The following MYOCD variants were observed in gnomAD, a reference collection of about 807,000 sequenced individuals.
MYOCD encodes the protein myocardin.
In MYOCD, 32 loss-of-function variants were observed where a neutral mutation model predicts 96.1. The ratio of observed to expected loss-of-function variants is 0.33; its 90% CI spans 0.25 to 0.45. MYOCD has a LOEUF of 0.45. Ranked by LOEUF, MYOCD falls within the 20% of genes least tolerant of loss-of-function variation. The pLI is 1.00. For synonymous variants in MYOCD, 469 were observed against 469.0 expected, an observed-to-expected ratio of 1.00 and a Z score of 0.00; for missense variants, 1,133 against 1,200.6, an observed-to-expected ratio of 0.94 and a Z score of 0.83.
intron 1 of MYOCD, among the ~76,000 whole-genome samples, chr17:12,674,711 AT>A (rs1313483364): frequency 6.6e-6 from 1 of 152,198 alleles, no homozygotes; most frequent in Non-Finnish European, 1.5e-5. Context: ...TTTATCTACA[AT>A]AAAATATGTA....
intron 9 of MYOCD, among the ~76,000 whole-genome samples, chr17:12,747,035 A>AT (rs5819385): frequency 2.7e-5 from 4 of 148,814 alleles, no homozygotes; most frequent in Admixed American, 6.7e-5. Flanking sequence ...GCCCCTACCA[A>AT]TTTTTTTTTT....
chr17:12,737,729 AG>A (rs2150705111), intron 6 of MYOCD, among the ~76,000 whole-genome samples: 1 of 152,322 alleles, frequency 6.6e-6, no homozygotes, highest in East Asian at 1.9e-4. Flanking sequence ...CCCACTGAAA[AG>A]TACCATACAG....
intron 1 of MYOCD, among the ~76,000 whole-genome samples, chr17:12,692,687 CTG>C (rs916803684): frequency 6.6e-6 from 1 of 152,078 alleles, no homozygotes; most frequent in Non-Finnish European, 1.5e-5. Flanking sequence ...TCCTTCAATC[CTG>C]ATATTTCCCT....
At chr17:12,697,359 A>ATATATATATATATATTTTTTTTTTTTTT (rs1427225443) in intron 1 of MYOCD, among the ~76,000 whole-genome samples, 1 of 75,738 alleles carries the variant, frequency 1.3e-5, no homozygotes, top group African/African-American at 6.0e-5. Context: ...ATATATATAT[A>ATATATATATATATATTTTTTTTTTTTTT]TTTTTTTTTT....
intron 5 of MYOCD, among the ~76,000 whole-genome samples, chr17:12,731,568 G>T (rs955268867): frequency 1.3e-5 from 2 of 152,104 alleles, no homozygotes; most frequent in South Asian, 4.1e-4. Flanking sequence ...TACACGTCAG[G>T]AACTGGGCCC....
intron 1 of MYOCD, among the ~76,000 whole-genome samples, chr17:12,673,349 C>T (rs779214800): frequency 6.6e-5 from 10 of 152,154 alleles, no homozygotes; most frequent in South Asian, 2.1e-4. Flanking sequence ...TTTGTGTTCT[C>T]TTTCTGTCCT....
chr17:12,671,598 G>A (rs1305941111), intron 1 of MYOCD, among the ~76,000 whole-genome samples: 1 of 152,160 alleles, frequency 6.6e-6, no homozygotes, highest in Non-Finnish European at 1.5e-5. Flanking sequence ...TCAATTCTGT[G>A]TACCCAGGAT....
chr17:12,676,245 GCACACACACACACACACACACA>G (rs36211306), intron 1 of MYOCD, among the ~76,000 whole-genome samples: 6 of 145,676 alleles, frequency 4.1e-5, no homozygotes, highest in Middle Eastern at 3.5e-3. Flanking sequence ...GCGCGCGCAC[GCACACACACACACACACACACA>G]CACACACACA....
At chr17:12,724,775 G>T (rs1349785117) in intron 5 of MYOCD, among the ~76,000 whole-genome samples, 1 of 151,880 alleles carries the variant, frequency 6.6e-6, no homozygotes, top group Non-Finnish European at 1.5e-5. Flanking sequence ...ACAATTTTAT[G>T]ATCTATTTTA....
chr17:12,673,309 G>A (rs1429614766), intron 1 of MYOCD, among the ~76,000 whole-genome samples: 1 of 152,110 alleles, frequency 6.6e-6, no homozygotes, highest in Non-Finnish European at 1.5e-5. Context: ...TAGTTCAATA[G>A]TTCTCCTCAA....
intron 1 of MYOCD, among the ~76,000 whole-genome samples, chr17:12,697,361 T>TATATATATATA (rs1567576270): frequency 1.4e-4 from 6 of 43,738 alleles, no homozygotes; most frequent in East Asian, 7.7e-4. Context: ...ATATATATAT[T>TATATATATATA]TTTTTTTTTT....
At chr17:12,718,778 T>C (rs78012963) in intron 4 of MYOCD, among the ~76,000 whole-genome samples, 1 of 152,294 alleles carries the variant, frequency 6.6e-6, no homozygotes, top group African/African-American at 2.4e-5. Context: ...ACAGAATTCT[T>C]ACCTCCTTTG....
At chr17:12,666,905 C>T (rs1909410113) in intron 1 of MYOCD, among the ~76,000 whole-genome samples, 1 of 152,132 alleles carries the variant, frequency 6.6e-6, no homozygotes, top group Non-Finnish European at 1.5e-5. Context: ...AAGGGAGAGA[C>T]GGGAGCTCTA....
At chr17:12,729,324 G>C (rs1021938004) in intron 5 of MYOCD, among the ~76,000 whole-genome samples, 5 of 152,174 alleles carry the variant, frequency 3.3e-5, no homozygotes, top group Non-Finnish European at 5.9e-5. Context: ...GGGAGTGTTG[G>C]AGCGTGTGGG....
chr17:12,738,755 C>T (rs1385591939), intron 6 of MYOCD, among the ~76,000 whole-genome samples: 2 of 151,968 alleles, frequency 1.3e-5, no homozygotes, highest in Admixed American at 6.6e-5. Flanking sequence ...CCTACACTCA[C>T]TCTTCCCTGC....
intron 8 of MYOCD, 69 bp from the exon 9 acceptor site, chr17:12,745,850 C>T: frequency 6.5e-7 from 1 of 1,532,600 alleles, no homozygotes; most frequent in Non-Finnish European, 8.9e-7. Flanking sequence ...ACTTTGGGAT[C>T]CGATCTAAAT....
chr17:12,745,701 A>G (rs962697911), intron 8 of MYOCD, among the ~76,000 whole-genome samples: 3 of 152,118 alleles, frequency 2.0e-5, no homozygotes, highest in African/African-American at 7.2e-5. Context: ...TCATATGCCA[A>G]AGTCCCTGCC....
At position 12,754,207 on chromosome 17, in the gene MYOCD, C is replaced by T. The variant is rs12943432; in HGVS notation, c.2058+861C>T. Among the ~76,000 whole-genome samples the T allele has an allele frequency of 7.5e-4, 114 of 152,154 alleles. 1 individual carries two copies. The East Asian group carries it at 0.02, about 27-fold the overall frequency. The stretch of plus-strand genomic sequence containing the variant: ...GCAACCTCTGCCTCCCGGGTTCAAG[C>T]GATTTTTCTGCGTCAGCCTCCCGAG... On this transcript the variant is annotated intron_variant, in intron 10 of 13. Transcript: ENST00000425538.
At chr17:12,709,251 G>A (rs557574406) in intron 2 of MYOCD, among the ~76,000 whole-genome samples, 1 of 152,318 alleles carries the variant, frequency 6.6e-6, no homozygotes, top group South Asian at 2.1e-4. Context: ...ATTCTGCAGG[G>A]TTTGAGGTTG....
Sources: gnomAD v4.1 joint callset for allele counts (sites outside exome capture counted in the v4.1 genomes callset) on GRCh38, gnomAD v4.1.1 for gene constraint, MANE v1.5 for transcripts, NCBI Gene and HGNC (gene_info 2026-07-23, HGNC 2026-07-21) for gene names.